AGMO: variants seen among roughly 807,000 people sequenced by gnomAD.
AGMO encodes the protein glyceryl-ether monooxygenase.
In AGMO, 75 loss-of-function variants were observed where a neutral mutation model predicts 60.2. The ratio of observed to expected loss-of-function variants is 1.25; its 90% CI spans 1.03 to 1.51. The LOEUF is 1.51. Ranked by LOEUF, AGMO falls within the 40% of genes most tolerant of loss-of-function variation. The pLI, the probability that AGMO is intolerant of heterozygous loss-of-function variation, is 0.00. For synonymous variants in AGMO, 261 were observed against 177.1 expected (o/e 1.47, Z -3.76); for missense variants, 763 against 525.5 (o/e 1.45, Z -4.42).
chr7:15,229,959 T>A (rs1185457760), intron 12 of AGMO, among the ~76,000 whole-genome samples: 3 of 151,644 alleles, frequency 2.0e-5, no homozygotes, highest in Admixed American at 1.3e-4. Context: ...CAACAATACT[T>A]AATACAAGCC....
intron 3 of AGMO, among the ~76,000 whole-genome samples, chr7:15,538,763 CTAACTT>C (rs1282423632): frequency 6.6e-6 from 1 of 152,116 alleles, no homozygotes; most frequent in Non-Finnish European, 1.5e-5. Flanking sequence ...TTAGGATAAT[CTAACTT>C]CAACTTCTAA....
At chr7:15,499,674 G>C (rs1427391470) in intron 3 of AGMO, among the ~76,000 whole-genome samples, 1 of 151,696 alleles carries the variant, frequency 6.6e-6, no homozygotes, top group Non-Finnish European at 1.5e-5. Flanking sequence ...TTCCAAAAAT[G>C]AATAAGGGAT....
At chr7:15,273,479 G>A (rs1451104393) in intron 12 of AGMO, among the ~76,000 whole-genome samples, 5 of 152,028 alleles carry the variant, frequency 3.3e-5, no homozygotes, top group African/African-American at 1.2e-4. Context: ...CCACTGGTCT[G>A]TATCTCTGTT....
intron 10 of AGMO, among the ~76,000 whole-genome samples, chr7:15,381,344 C>G (rs1008175723): frequency 6.6e-6 from 1 of 151,880 alleles, no homozygotes; most frequent in Non-Finnish European, 1.5e-5. Flanking sequence ...AAAAGACAAG[C>G]AATCCCATAA....
intron 3 of AGMO, among the ~76,000 whole-genome samples, chr7:15,434,935 T>C (rs1781357931): frequency 6.6e-6 from 1 of 151,508 alleles, no homozygotes; most frequent in Non-Finnish European, 1.5e-5. Context: ...TTTTTGAGTG[T>C]ATCCTATCAA....
rs535204633 is a variant in AGMO, at chr7:15,313,856, G to A, written c.1263+51658C>T. On this transcript the variant is annotated intron_variant, in intron 12 of 12. Coordinates refer to ENST00000342526, the MANE Select transcript of AGMO (RefSeq NM_001004320.2). ...ATTATAGCAATGTTCTGTAATAAAA[G>A]TTATGCAGATGGGGTCTCTCTCTCT... Among the ~76,000 whole-genome samples the A allele has an allele frequency of 2.0e-5, 3 of 152,004 alleles. No homozygotes were observed. In the East Asian group the frequency reaches 5.8e-4, roughly 30 times the overall value.
intron 3 of AGMO, among the ~76,000 whole-genome samples, chr7:15,512,223 C>A (rs1783694247): frequency 6.6e-6 from 1 of 152,110 alleles, no homozygotes. Context: ...TCATACAACA[C>A]TAATGATGAT....
chr7:15,297,882 T>G (rs1433073995), intron 12 of AGMO, among the ~76,000 whole-genome samples: 2 of 152,124 alleles, frequency 1.3e-5, no homozygotes, highest in Non-Finnish European at 1.5e-5. Context: ...AAAATCCAAA[T>G]AGCCAGGAAG....
intron 12 of AGMO, among the ~76,000 whole-genome samples, chr7:15,309,388 G>A (rs552568752): frequency 7.9e-5 from 12 of 152,158 alleles, no homozygotes; most frequent in African/African-American, 2.4e-4. Context: ...TCTGTGTTGT[G>A]AGAATCTTCA....
At position 15,450,397 on chromosome 7, in the gene AGMO, G is replaced by A. The variant is rs529166965; in HGVS notation, c.410-19289C>T. On this transcript the variant is annotated intron_variant, in intron 3 of 12. Transcript: ENST00000342526. ...ATCACGCCACTGCACTCCAGCCTGG[G>A]CAACAGAGCGAGTCTCCATCTCAAA... 4.2e-3 allele frequency among the ~76,000 whole-genome samples: 634 copies of A among 149,230 alleles called. 1 individual carries two copies. The highest frequency in any genetic ancestry group is 0.014 in the African/African-American group (582 of 40,352).
the AGMO span, among the ~76,000 whole-genome samples, chr7:15,117,840 T>C: frequency 2.0e-5 from 3 of 151,986 alleles, no homozygotes; most frequent in Non-Finnish European, 2.9e-5. Flanking sequence ...GAGGAGAATC[T>C]AGTATATTAT....
rs201284654 is a variant in AGMO at position 15,560,140 on chromosome 7, C to T, written c.257+1G>A. 6.2e-7 allele frequency: 1 copy of T among 1,606,298 alleles called. No individual in the cohort carries two copies. The highest frequency in any genetic ancestry group is 2.2e-5 in the East Asian group (1 of 44,606). On this transcript the variant is annotated splice_donor_variant, in intron 2 of 12. Coordinates refer to ENST00000342526, the MANE Select transcript of AGMO (RefSeq NM_001004320.2). LOFTEE classifies it high-confidence loss of function. ...TCAGCGTTGTTGACCATCTAACTCACCTTGGAAGTCGAGACAGAACACCAG... is the reference window on the plus strand; with the variant it reads ...TCAGCGTTGTTGACCATCTAACTCATCTTGGAAGTCGAGACAGAACACCAG...
At chr7:15,274,944 A>T (rs527306688) in intron 12 of AGMO, among the ~76,000 whole-genome samples, 130 of 151,180 alleles carry the variant, frequency 8.6e-4, no homozygotes, top group African/African-American at 2.8e-3. Flanking sequence ...GTTTTTCTTC[A>T]TTGAGCTCAT....
chr7:15,345,058 G>C (rs970036342), intron 12 of AGMO, among the ~76,000 whole-genome samples: 6 of 152,128 alleles, frequency 3.9e-5, no homozygotes, highest in African/African-American at 1.4e-4. Flanking sequence ...TATTTTAATA[G>C]GTTTTCCTGT....
downstream of AGMO, among the ~76,000 whole-genome samples, chr7:15,199,579 G>A (rs1183829967): frequency 6.6e-6 from 1 of 152,154 alleles, no homozygotes; most frequent in East Asian, 1.9e-4. Context: ...ACTGAAGAAT[G>A]TGTTTTACCC....
chr7:15,531,130 GTATATATTCTATATATATTCTA>G (rs1386103885), intron 3 of AGMO, among the ~76,000 whole-genome samples: 1 of 28,660 alleles, frequency 3.5e-5, no homozygotes, highest in Non-Finnish European at 5.9e-5. Context: ...TATATATTCT[GTATATATTCTATATATATTCTA>G]TATATATTCT....
At chr7:15,376,784 G>C (rs1182042655) in intron 10 of AGMO, among the ~76,000 whole-genome samples, 1 of 152,002 alleles carries the variant, frequency 6.6e-6, no homozygotes, top group Admixed American at 6.6e-5. Context: ...GGCAGCTGAG[G>C]AATTGATTTT....
chr7:15,232,489 T>C (rs1782288467), intron 12 of AGMO, among the ~76,000 whole-genome samples: 1 of 152,168 alleles, frequency 6.6e-6, no homozygotes, highest in Non-Finnish European at 1.5e-5. Flanking sequence ...GGCATAAAAA[T>C]GTGAGCCTTG....
At chr7:15,548,298 G>C (rs1020840650) in intron 2 of AGMO, among the ~76,000 whole-genome samples, 25 of 152,142 alleles carry the variant, frequency 1.6e-4, no homozygotes, top group Admixed American at 5.2e-4. Context: ...CACCAGCAAC[G>C]GAACAAAGCT....
Sources: gnomAD v4.1 joint callset for allele counts (sites outside exome capture counted in the v4.1 genomes callset) on GRCh38, gnomAD v4.1.1 for gene constraint, MANE v1.5 for transcripts, NCBI Gene and HGNC (gene_info 2026-07-23, HGNC 2026-07-21) for gene names.